CACNG7: variants seen among roughly 807,000 people sequenced by gnomAD.
CACNG7 encodes the protein calcium voltage-gated channel auxiliary subunit gamma 7.
In CACNG7, 9 loss-of-function variants were observed where a neutral mutation model predicts 26.3. The ratio of observed to expected loss-of-function variants is 0.34; its 90% CI spans 0.21 to 0.60. The LOEUF (loss-of-function observed/expected upper bound fraction) is 0.60. Ranked by LOEUF, CACNG7 falls within the 20% of genes least tolerant of loss-of-function variation. The probability of loss-of-function intolerance (pLI) is 0.81; values close to 1 mark genes in which losing one functional copy is unlikely to be tolerated. For missense variants in CACNG7, 297 were observed against 380.4 expected (o/e 0.78, Z 1.82); for synonymous variants, 170 against 157.0 (o/e 1.08, Z -0.62).
chr19:53,916,798 C>CTT (rs1181417496), intron 4 of CACNG7, among the ~76,000 whole-genome samples: 12 of 120,036 alleles, frequency 1.0e-4, no homozygotes, highest in African/African-American at 2.5e-4. Context: ...CTGCGCCTGG[C>CTT]TTTTTTTTTT....
In CACNG7 at chr19:53,926,761, A is replaced by G. The variant is rs995891063; in HGVS notation, c.424+11256A>G. 5.3e-5 allele frequency among the ~76,000 whole-genome samples: 8 copies of G among 152,100 alleles called. No individual in the cohort carries two copies. The South Asian group carries it at 6.2e-4, about 12-fold the overall frequency. The stretch of plus-strand genomic sequence containing the variant: ...AACCCTATCTCCACTAAAAATAGAA[A>G]AATTGACTGGGCATGGTGGTGGGCC... On this transcript the variant is annotated intron_variant, in intron 4 of 5. Transcript: ENST00000391767.
chr19:53,942,583 AT>A lies in CACNG7; in HGVS notation c.*292del, dbSNP rs1446625107. 3.0e-5 allele frequency: 39 copies of A among 1,306,932 alleles called. 1 individual carries two copies. In the East Asian group the frequency reaches 1.1e-3, roughly 38 times the overall value. The allele number at this position is 1,306,932 out of a possible 1,614,324, so 81.0% of individuals were successfully genotyped here. A position where few individuals can be genotyped will look rare whatever the true frequency, so the allele number is the denominator to read the frequency against. On this transcript the variant is annotated 3_prime_UTR_variant, in exon 6 of 6. Transcript: ENST00000391767. This position sits in a 1 kb window ranked among gnomAD's most constrained non-coding sequence, Gnocchi z 5.9. ...CCTCTGGCCCCTCCTCTCCAAGAAA[AT>A]TAGCTCCTCCCTCGTTCTCCACCTG...
At chr19:53,915,205 CAG>C (rs2068887961) in intron 3 of CACNG7, among the ~76,000 whole-genome samples, 158 bp from the exon 4 acceptor site, 1 of 151,612 alleles carries the variant, frequency 6.6e-6, no homozygotes, top group African/African-American at 2.4e-5. Flanking sequence ...GAGGAAATAT[CAG>C]GGGAAGGAGA....
At chr19:53,924,919 G>T (rs1448896904) in intron 4 of CACNG7, among the ~76,000 whole-genome samples, 1 of 142,856 alleles carries the variant, frequency 7.0e-6, no homozygotes, top group Non-Finnish European at 1.5e-5. Context: ...TGGTGGAGTT[G>T]CCCCAGGTCT....
intron 3 of CACNG7, 91 bp from the exon 4 acceptor site, chr19:53,915,274 G>A (rs963529652): frequency 4.2e-6 from 4 of 942,214 alleles, no homozygotes; most frequent in Admixed American, 1.9e-5. Flanking sequence ...AAACAAAAAC[G>A]CAGAGGTGGT....
At chr19:53,938,145 G>A (rs554821223) in intron 4 of CACNG7, among the ~76,000 whole-genome samples, 1 of 152,128 alleles carries the variant, frequency 6.6e-6, no homozygotes, top group East Asian at 1.9e-4. Flanking sequence ...TCAGGAGTTC[G>A]AGACCAGCCT....
chr19:53,912,741 G>T lies in CACNG7; in HGVS notation c.-29-62G>T. 2 of 1,338,978 alleles carry T rather than the reference G, an allele frequency of 1.5e-6. No homozygotes were observed. The highest frequency in any genetic ancestry group is 2.4e-5 in the South Asian group (2 of 84,104). 82.9% of individuals were successfully genotyped at this position (1,338,978 alleles called of 1,614,324 possible). The stretch of plus-strand genomic sequence containing the variant: ...CTAGGGCCCAGCATCCCGGGTTGCT[G>T]CATGGGGTCAAGCACTCTGGTCGGT... On this transcript the variant is annotated intron_variant, in intron 1 of 5. Coordinates refer to ENST00000391767, the MANE Select transcript of CACNG7 (RefSeq NM_031896.5). This position sits in a 1 kb window ranked among gnomAD's most constrained non-coding sequence, Gnocchi z 4.6.
chr19:53,925,529 G>T (rs1157255835), intron 4 of CACNG7, among the ~76,000 whole-genome samples: 2 of 137,562 alleles, frequency 1.5e-5, no homozygotes, highest in African/African-American at 5.8e-5. Flanking sequence ...TGGTGGAGTT[G>T]TCCCAGGCTG....
rs748295737 is a variant in CACNG7, at chr19:53,912,937, A to T, written c.106A>T (p.Met36Leu). The T allele has an allele frequency of 6.2e-7, 1 of 1,614,110 alleles. No individual in the cohort carries two copies. The highest frequency in any genetic ancestry group is 1.7e-5 in the Admixed American group (1 of 60,022). ...GGTCAGCACTGACTACTGGCTGTAC[A>T]TGGAAGAAGGCACAGTGCTACCGCA... is the stretch of plus-strand genomic sequence containing the variant. ...IAVSTDYWLY[M>L]EEGTVLPQNQ... The change falls in exon 2 of 6, where the codon ATG becomes TTG. Residue 36 changes from methionine (M) to leucine (L), a missense_variant. By Grantham distance (15) the Met-to-Leu change is conservative. Transcript: ENST00000391767. This position sits in a 1 kb window ranked among gnomAD's most constrained non-coding sequence, Gnocchi z 4.6.
chr19:53,909,836 C>G lies in CACNG7; in HGVS notation c.-30+319C>G, dbSNP rs546974259. On this transcript the variant is annotated intron_variant, in intron 1 of 5. Coordinates refer to ENST00000391767, the MANE Select transcript of CACNG7 (RefSeq NM_031896.5). This position sits in a 1 kb window ranked among gnomAD's most constrained non-coding sequence, Gnocchi z 5.1. ...CGAGGGCGGAGGACCCAGGCCCGGC[C>G]AGAGCAGGATGTGGGTCTGGAAAGG... Among the ~76,000 whole-genome samples, 21 of 152,162 alleles carry G rather than the reference C, an allele frequency of 1.4e-4. No homozygotes were observed. The highest frequency in any genetic ancestry group is 3.9e-4 in the African/African-American group (16 of 41,518).
chr19:53,920,785 G>GC (rs2068940378), intron 4 of CACNG7, among the ~76,000 whole-genome samples: 1 of 89,398 alleles, frequency 1.1e-5, no homozygotes, highest in Non-Finnish European at 2.1e-5. Flanking sequence ...GTTGCCCCAG[G>GC]CTGGTCATTG....
chr19:53,912,996 C>T lies in CACNG7; in HGVS notation c.165C>T (p.His55=), dbSNP rs374846922. The T allele has an allele frequency of 5.0e-6, 8 of 1,612,746 alleles. No individual in the cohort carries two copies. The highest frequency in any genetic ancestry group is 1.3e-5 in the African/African-American group (1 of 74,902). The change falls in exon 2 of 6, where the codon CAC becomes CAT. Residue 55 remains histidine (H), a synonymous_variant. Transcript: ENST00000391767. This position sits in a 1 kb window ranked among gnomAD's most constrained non-coding sequence, Gnocchi z 4.6. Reference sequence around the variant, plus strand: ...CCACCGAGGTCAAGATGGCCCTGCACGCCGGCCTCTGGCGAGTCTGCTTCT... The same window carrying T: ...CCACCGAGGTCAAGATGGCCCTGCATGCCGGCCTCTGGCGAGTCTGCTTCT... The part of the protein sequence containing the change: ...NQTTEVKMAL[H]AGLWRVCFFA...
At chr19:53,926,407 A>T (rs2069031361) in intron 4 of CACNG7, among the ~76,000 whole-genome samples, 1 of 151,948 alleles carries the variant, frequency 6.6e-6, no homozygotes, top group South Asian at 2.1e-4. Context: ...CCTGCTTGGA[A>T]GTCCTTTCCC....
chr19:53,927,710 C>T (rs555301362), intron 4 of CACNG7, among the ~76,000 whole-genome samples: 2 of 151,902 alleles, frequency 1.3e-5, no homozygotes, highest in African/African-American at 2.4e-5. Flanking sequence ...TGGTGGCAGG[C>T]GCCTGTAATC....
At chr19:53,931,071 C>T (rs2069068541) in intron 4 of CACNG7, among the ~76,000 whole-genome samples, 1 of 152,030 alleles carries the variant, frequency 6.6e-6, no homozygotes. Flanking sequence ...GGGCATGCAC[C>T]TGCAGTCCCA....
chr19:53,910,663 A>G (rs965198258), intron 1 of CACNG7, among the ~76,000 whole-genome samples: 1 of 152,094 alleles, frequency 6.6e-6, no homozygotes, highest in African/African-American at 2.4e-5. Flanking sequence ...GCTTGGGGAA[A>G]AATCTTGCAG....
chr19:53,931,278 C>T (rs1408546952), intron 4 of CACNG7, among the ~76,000 whole-genome samples: 2 of 152,168 alleles, frequency 1.3e-5, no homozygotes, highest in Non-Finnish European at 2.9e-5. Flanking sequence ...TTTATAATTC[C>T]ATAATACAAT....
intron 4 of CACNG7, among the ~76,000 whole-genome samples, chr19:53,926,378 CG>C (rs1300743704): frequency 6.6e-6 from 1 of 151,914 alleles, no homozygotes; most frequent in Admixed American, 6.6e-5. Context: ...CTCAGGACTT[CG>C]TACACTCATT....
At chr19:53,922,883 G>GCCTGGTCATTGGTGGAGTTGACTCAGGC (rs375109425) in intron 4 of CACNG7, among the ~76,000 whole-genome samples, 2 of 74,374 alleles carry the variant, frequency 2.7e-5, no homozygotes, top group Non-Finnish European at 4.7e-5. Flanking sequence ...GTTGACTCAG[G>GCCTGGTCATTGGTGGAGTTGACTCAGGC]CTGGTCATTG....
Sources: allele counts gnomAD v4.1 joint callset (sites outside exome capture counted in the v4.1 genomes callset), GRCh38; gene constraint gnomAD v4.1.1; non-coding constraint Gnocchi (gnomAD v3.1); transcripts MANE v1.5; gene names NCBI Gene and HGNC (gene_info 2026-07-23, HGNC 2026-07-21).